The following PDE4A variants were observed in gnomAD, a reference collection of about 807,000 sequenced individuals.
The protein encoded by PDE4A is phosphodiesterase 4A.
In PDE4A, 21 loss-of-function variants were observed where a neutral mutation model predicts 73.9. The observed-to-expected ratio is 0.28, with a 90% CI of 0.20 to 0.41. The LOEUF is 0.41. Among genes scored for constraint, PDE4A ranks in the 10% least tolerant of loss-of-function variants. The pLI, the probability that PDE4A is intolerant of heterozygous loss-of-function variation, is 1.00. For missense variants in PDE4A, 958 were observed against 1,211.4 expected, an observed-to-expected ratio of 0.79 and a Z score of 3.10; for synonymous variants, 463 against 505.4, an observed-to-expected ratio of 0.92 and a Z score of 1.13.
intron 2 of PDE4A, among the ~76,000 whole-genome samples, chr19:10,447,053 C>A (rs929467137): frequency 2.6e-5 from 4 of 151,326 alleles, no homozygotes; most frequent in African/African-American, 9.7e-5. Context: ...CACCCGCCAC[C>A]ATGCCTGGCT....
chr19:10,446,837 G>A lies in PDE4A; in HGVS notation c.512+428G>A, dbSNP rs1172931638. The stretch of plus-strand genomic sequence containing the variant: ...TCAAACTCCTGACCTCAGGTGATCC[G>A]CCTGCCTTGGCCTCCCAGAGTGCTG... On this transcript the variant is annotated intron_variant, in intron 2 of 14. Transcript: ENST00000380702. Among the ~76,000 whole-genome samples, 6 of 151,592 alleles carry A rather than the reference G, an allele frequency of 4.0e-5. No individual in the cohort carries two copies. The East Asian group carries it at 7.8e-4, about 20-fold the overall frequency.
intron 1 of PDE4A, among the ~76,000 whole-genome samples, chr19:10,442,103 T>A (rs1408598140): frequency 6.6e-6 from 1 of 152,092 alleles, no homozygotes; most frequent in African/African-American, 2.4e-5. Flanking sequence ...GTAGGTAGAT[T>A]TCAGGCTATG....
chr19:10,420,510 CCGCGGAACGCGGAGCGCGGAG>C (rs1359404257), upstream of PDE4A: 14 of 1,040,334 alleles, frequency 1.3e-5, no homozygotes, highest in Admixed American at 1.0e-4. This position sits in a 1 kb window ranked among gnomAD's most constrained non-coding sequence, Gnocchi z 6.0. Flanking sequence ...GCCGAGCGGG[CCGCGGAACGCGGAGCGCGGAG>C]CGCGGAGAGC....
At chr19:10,430,933 T>C in intron 1 of PDE4A, 2 of 1,517,392 alleles carry the variant, frequency 1.3e-6, no homozygotes, top group Non-Finnish European at 1.8e-6. Context: ...GAGGCGTTCC[T>C]GCCCGAGCCC....
intron 12 of PDE4A, 44 bp downstream of exon 12, chr19:10,461,724 G>A (rs766143741): frequency 1.1e-5 from 18 of 1,607,450 alleles, no homozygotes; most frequent in Non-Finnish European, 1.4e-5. Flanking sequence ...GGAAGCCTAG[G>A]AGTCGAGGGC....
intron 13 of PDE4A, 24 bp from the exon 14 acceptor site, chr19:10,463,769 C>A (rs770879309): frequency 1.2e-6 from 2 of 1,612,312 alleles, no homozygotes; most frequent in East Asian, 2.2e-5. Flanking sequence ...TCTGAAGTTT[C>A]CCCTGTGCCC....
chr19:10,430,225 T>TG (rs1385574066), intron 1 of PDE4A, among the ~76,000 whole-genome samples: 2 of 151,858 alleles, frequency 1.3e-5, no homozygotes, highest in African/African-American at 4.8e-5. Context: ...CCCAGAGATT[T>TG]GGGGGCATCC....
At chr19:10,432,607 A>C in intron 1 of PDE4A, 1 of 1,499,814 alleles carries the variant, frequency 6.7e-7, no homozygotes, top group Non-Finnish European at 8.9e-7. Context: ...CTCTCTTTTA[A>C]TACTGAAGGG....
rs2022647035 is a variant in PDE4A, at chr19:10,453,734, G to A, written c.784-1095G>A. On this transcript the variant is annotated intron_variant, in intron 6 of 14. Coordinates refer to ENST00000380702, the MANE Select transcript of PDE4A (RefSeq NM_001111307.2). This position sits in a 1 kb window ranked among gnomAD's most constrained non-coding sequence, Gnocchi z 4.6. The stretch of plus-strand genomic sequence containing the variant: ...GGGACATGTGACCCCAAATGTCAGT[G>A]ACCGCCTTATTTTGCATGCCCTTTG... Among the ~76,000 whole-genome samples, 1 of 152,130 alleles carries A rather than the reference G, an allele frequency of 6.6e-6. No individual in the cohort carries two copies. The highest frequency in any genetic ancestry group is 1.5e-5 in the Non-Finnish European group (1 of 68,022).
At chr19:10,452,865 A>G in intron 6 of PDE4A, 5 of 243,730 alleles carry the variant, frequency 2.1e-5, no homozygotes, top group Non-Finnish European at 3.3e-5. Context: ...CCCCTTTAAT[A>G]CCCCCCCACC....
At chr19:10,425,240 A>C (rs1568364272) in intron 1 of PDE4A, among the ~76,000 whole-genome samples, 1 of 151,968 alleles carries the variant, frequency 6.6e-6, no homozygotes, top group Non-Finnish European at 1.5e-5. Context: ...AAAACAAAAA[A>C]CAAAAAACAG....
rs2042698426 is a variant in PDE4A, at chr19:10,424,950, G to A, written c.320+3866G>A. Among the ~76,000 whole-genome samples the A allele has an allele frequency of 1.3e-5, 2 of 152,230 alleles. No individual in the cohort carries two copies. Among genetic ancestry groups the A allele is most frequent in the Non-Finnish European group, 1.5e-5 (1 of 68,032 alleles). ...GGAGTTAAAAACCAGATCTCGGCCA[G>A]GCGCGGTGGCTCTGTAATCTGAGCA... On this transcript the variant is annotated intron_variant, in intron 1 of 14. Transcript: ENST00000380702. The surrounding 1 kb of genome is among the most constrained non-coding windows in gnomAD (Gnocchi z 4.8).
At position 10,459,419 on chromosome 19, in the gene PDE4A, A is replaced by T. The variant is rs199575223; in HGVS notation, c.1121A>T (p.Lys374Met). The T allele has an allele frequency of 1.2e-5, 19 of 1,614,216 alleles. No homozygotes were observed. The East Asian group carries it at 4.2e-4, about 36-fold the overall frequency. The change falls in exon 9 of 15, where the codon AAG becomes ATG. Residue 374 changes from lysine to methionine, a missense_variant. Lys to Met is a moderately conservative substitution (Grantham distance 95). Coordinates refer to ENST00000380702, the MANE Select transcript of PDE4A (RefSeq NM_001111307.2). ...LLAQELENLN[K>M]WGLNIFCVSD... Reference sequence around the variant, plus strand: ...CACCAGGAACTGGAGAACCTGAACAAGTGGGGCCTGAACATCTTTTGCGTG... The same window carrying T: ...CACCAGGAACTGGAGAACCTGAACATGTGGGGCCTGAACATCTTTTGCGTG...
chr19:10,432,632 G>A (rs1166164219), intron 1 of PDE4A: 3 of 1,452,234 alleles, frequency 2.1e-6, no homozygotes, highest in Non-Finnish European at 2.8e-6. Context: ...GGCTGTGCTG[G>A]GGGGGTGGGG....
Position 10,467,029 on chromosome 19 carries a change from C to T in PDE4A, c.2069C>T (p.Pro690Leu), listed in dbSNP as rs773704689. The change falls in exon 15 of 15, where the codon CCA (proline) becomes CTA (leucine). Residue 690 changes from proline (P) to leucine (L), a missense_variant. Transcript: ENST00000380702. The stretch of plus-strand genomic sequence containing the variant: ...GCCATCCGGCAGAGCCCATCTCCGC[C>T]ACCCGAGGAGGAGTCAAGGGGGCCA... ...YSAIRQSPSPPPEEESRGPGH... is the reference protein window; with the variant it reads ...YSAIRQSPSPLPEEESRGPGH... The T allele has an allele frequency of 1.2e-6, 2 of 1,614,196 alleles. No individual in the cohort carries two copies. Among genetic ancestry groups the T allele is most frequent in the African/African-American group, 1.3e-5 (1 of 75,064 alleles).
rs374651479 is a variant in PDE4A at position 10,467,053 on chromosome 19, C to G, written c.2093C>G (p.Pro698Arg). 1.1e-5 allele frequency: 18 copies of G among 1,614,034 alleles called. No homozygotes were observed. In the African/African-American group the frequency reaches 2.1e-4, roughly 19 times the overall value. The change falls in exon 15 of 15, where the codon CCA (proline) becomes CGA (arginine). Residue 698 changes from proline (P) to arginine (R), a missense_variant. Pro to Arg is a moderately radical substitution (Grantham distance 103). This residue lies in a region of PDE4A where 243 missense variants were observed against 245.9 expected (regional missense o/e 0.99). Coordinates refer to ENST00000380702, the MANE Select transcript of PDE4A (RefSeq NM_001111307.2). The stretch of plus-strand genomic sequence containing the variant: ...CCACCCGAGGAGGAGTCAAGGGGGC[C>G]AGGCCACCCACCCCTGCCTGACAAG... Reference protein sequence around the residue: ...SPPPEEESRGPGHPPLPDKFQ... With the variant: ...SPPPEEESRGRGHPPLPDKFQ...
intron 1 of PDE4A, among the ~76,000 whole-genome samples, chr19:10,439,782 T>C (rs1568370943): frequency 6.6e-6 from 1 of 151,926 alleles, no homozygotes; most frequent in Non-Finnish European, 1.5e-5. Context: ...AGACCAGCTG[T>C]CTGGAGGGGA....
chr19:10,459,681 C>T lies in PDE4A; in HGVS notation c.1287C>T (p.Asp429=), dbSNP rs779090463. 6.8e-6 allele frequency: 11 copies of T among 1,614,090 alleles called. No individual in the cohort carries two copies. The highest frequency in any genetic ancestry group is 6.7e-5 in the Admixed American group (4 of 59,992). ...CGCTGGAGGATCACTACCACGCTGA[C>T]GTGGCCTACCATAACAGCCTGCACG... ...MLTLEDHYHA[D]VAYHNSLHAA... Residue 429 remains aspartate, a synonymous_variant, in exon 10 of 15, where the codon GAC becomes GAT. Transcript: ENST00000380702.
At chr19:10,418,928 C>A, upstream of PDE4A, 3 of 985,050 alleles carry the variant, frequency 3.0e-6, no homozygotes, top group Non-Finnish European at 3.6e-6. Context: ...AAGTGGGGAA[C>A]ACAGTTTTGG....
Sources: allele counts gnomAD v4.1 joint callset (sites outside exome capture counted in the v4.1 genomes callset), GRCh38; gene constraint gnomAD v4.1.1; regional missense constraint gnomAD v4.1.1; non-coding constraint Gnocchi (gnomAD v3.1); transcripts MANE v1.5; gene names NCBI Gene and HGNC (gene_info 2026-07-23, HGNC 2026-07-21).